The following KDM6B variants were observed in gnomAD, a reference collection of about 807,000 sequenced individuals.
KDM6B encodes the protein lysine demethylase 6B, also known as lysine-specific demethylase 6B.
A neutral mutation model predicts 150.4 loss-of-function variants in KDM6B; 22 were observed. The observed-to-expected ratio is 0.15, with a 90% confidence interval of 0.10 to 0.21. The LOEUF is 0.21. Ranked by LOEUF, KDM6B falls within the 10% of genes least tolerant of loss-of-function variation. The pLI is 1.00. For missense variants in KDM6B, 1,984 were observed against 2,234.3 expected, an observed-to-expected ratio of 0.89 and a Z score of 2.26; for synonymous variants, 1,148 against 921.1, an observed-to-expected ratio of 1.25 and a Z score of -4.46.
At position 7,852,322 on chromosome 17, in the gene KDM6B, T is replaced by C; in HGVS notation, c.4454T>C (p.Val1485Ala). ...TGWCNNIAWN[V>A]GPLTAYQYQL... The stretch of plus-strand genomic sequence containing the variant: ...TGGTGCAACAACATTGCCTGGAACG[T>C]GGGGCCCCTCACCGGTGAGAGGGTG... Residue 1485 changes from valine to alanine, a missense_variant, in exon 20 of 24, where the codon GTG becomes GCG. Around this residue, in one of 13 missense-constraint regions of KDM6B, gnomAD observed 41 missense variants for 158.8 expected, o/e 0.26. Transcript: ENST00000448097. 6.2e-7 allele frequency: 1 copy of C among 1,612,856 alleles called. No individual in the cohort carries two copies. The highest frequency in any genetic ancestry group is 1.1e-5 in the South Asian group (1 of 91,066).
chr17:7,852,227 C>G lies in KDM6B; in HGVS notation c.4359C>G (p.Arg1453=). ...ATGCATCCAATATTCCTGTGTACCG[C>G]TTCGTGCAGCGACCCGGAGACCTCG... ...DLYASNIPVY[R]FVQRPGDLVW... Residue 1453 remains arginine (R), a synonymous_variant, in exon 20 of 24, where the codon CGC becomes CGG. Coordinates refer to ENST00000448097, the MANE Select transcript of KDM6B (RefSeq NM_001348716.2). The G allele has an allele frequency of 6.2e-7, 1 of 1,614,168 alleles. No individual in the cohort carries two copies. Among genetic ancestry groups the G allele is most frequent in the Non-Finnish European group, 8.5e-7 (1 of 1,180,034 alleles).
chr17:7,849,295 G>A lies in KDM6B; in HGVS notation c.3007G>A (p.Ala1003Thr). 6.4e-7 allele frequency: 1 copy of A among 1,556,926 alleles called. No individual in the cohort carries two copies. The highest frequency in any genetic ancestry group is 1.9e-5 in the Admixed American group (1 of 51,816). ...GGGTCGTCGGCCCCGTGAGGGCAGG[G>A]CAAAGGCCAAGGCCAAGGTCCCCAA... ...SVGRRPREGR[A>T]KAKAKVPKEK... The change falls in exon 12 of 24, where the codon GCA becomes ACA. Residue 1003 changes from alanine (A) to threonine (T), a missense_variant. Transcript: ENST00000448097.
rs1212120231 is a variant in KDM6B, at chr17:7,849,670, C to T, written c.3382C>T (p.Leu1128=). The T allele has an allele frequency of 1.2e-5, 19 of 1,609,020 alleles. No individual in the cohort carries two copies. The highest frequency in any genetic ancestry group is 3.3e-5 in the South Asian group (3 of 91,058). Residue 1128 remains leucine, a synonymous_variant, in exon 12 of 24, where the codon CTG becomes TTG. Transcript: ENST00000448097. The part of the protein sequence containing the change: ...FIASEVEERR[L]RMADLTISHC... ...CGCCTCTGAGGTGGAAGAGCGGCGG[C>T]TGCGCATGGCAGACCTCACCATCAG...
rs1423065907 is a variant in KDM6B, at chr17:7,854,461, G to A, written c.*940G>A. On this transcript the variant is annotated 3_prime_UTR_variant, in exon 24 of 24. Transcript: ENST00000448097. ...AAGGTTTTAAAGAAAGAACTATGAG[G>A]AAAAGGAACCCCGTCCTTCCCAGCC... is the stretch of plus-strand genomic sequence containing the variant. 6.6e-6 allele frequency: 1 copy of A among 152,112 alleles called. No individual in the cohort carries two copies. The highest frequency in any genetic ancestry group is 1.5e-5 in the Non-Finnish European group (1 of 67,964). 9.4% of individuals were successfully genotyped at this position (152,112 alleles called of 1,614,324 possible). A position where few individuals can be genotyped will look rare whatever the true frequency, so the allele number is the denominator to read the frequency against.
chr17:7,846,123 T>G lies in KDM6B; in HGVS notation c.282T>G (p.His94Gln). Reference sequence around the variant, plus strand: ...TCCATGGGAAGCTGGAATCCCTGCATGGCTGTGTGCAGGCATTGCTCCGGG... The same window carrying G: ...TCCATGGGAAGCTGGAATCCCTGCAGGGCTGTGTGCAGGCATTGCTCCGGG... The part of the protein sequence containing the change: ...RPLHGKLESL[H>Q]GCVQALLREP... Residue 94 changes from histidine (H) to glutamine (Q), a missense_variant, in exon 7 of 24, where the codon CAT becomes CAG. Coordinates refer to ENST00000448097, the MANE Select transcript of KDM6B (RefSeq NM_001348716.2). The G allele has an allele frequency of 7.2e-7, 1 of 1,388,772 alleles. No individual in the cohort carries two copies. The highest frequency in any genetic ancestry group is 9.6e-7 in the Non-Finnish European group (1 of 1,037,988). 86.0% of individuals were successfully genotyped at this position (1,388,772 alleles called of 1,614,324 possible).
chr17:7,851,491 C>T lies in KDM6B; in HGVS notation c.3958C>T (p.Pro1320Ser). ...TGTPPSSAPD[P>S]KNHHIIKFGT... ...TCGCCCCAGCAGCAGCGCACCAGAC[C>T]CGAAGAACCATCACATCATCAAGTT... The change falls in exon 17 of 24, where the codon CCG (proline) becomes TCG (serine). Residue 1320 changes from proline (P) to serine (S), a missense_variant. Transcript: ENST00000448097. 6.2e-7 allele frequency: 1 copy of T among 1,614,196 alleles called. No homozygotes were observed. Among genetic ancestry groups the T allele is most frequent in the Non-Finnish European group, 8.5e-7 (1 of 1,180,038 alleles).
rs1483985578 is a variant in KDM6B, at chr17:7,845,658, C to G, written c.104C>G (p.Pro35Arg). Reference sequence around the variant, plus strand: ...GCCTGGAGCTCCTGCCCGCCTCATCCCCCTCCTCGTAGCGCATGGCTGCCT... The same window carrying G: ...GCCTGGAGCTCCTGCCCGCCTCATCGCCCTCCTCGTAGCGCATGGCTGCCT... Reference protein sequence around the residue: ...AGAWSSCPPHPPPRSAWLPGG... With the variant: ...AGAWSSCPPHRPPRSAWLPGG... Residue 35 changes from proline (P) to arginine (R), a missense_variant, in exon 5 of 24, where the codon CCC becomes CGC. Transcript: ENST00000448097. 1.2e-6 allele frequency: 2 copies of G among 1,614,130 alleles called. No homozygotes were observed. The highest frequency in any genetic ancestry group is 1.3e-5 in the African/African-American group (1 of 75,042).
chr17:7,837,881 G>A, intron 1 of KDM6B, among the ~76,000 whole-genome samples: 1 of 152,018 alleles, frequency 6.6e-6, no homozygotes, highest in Non-Finnish European at 1.5e-5. Context: ...TTGTTAAGGG[G>A]TAGTGGATAG....
At position 7,846,708 on chromosome 17, in the gene KDM6B, G is replaced by A; in HGVS notation, c.679G>A (p.Gly227Ser). 1 of 1,614,160 alleles carries A rather than the reference G, an allele frequency of 6.2e-7. No homozygotes were observed. Among genetic ancestry groups the A allele is most frequent in the Non-Finnish European group, 8.5e-7 (1 of 1,179,998 alleles). Residue 227 changes from glycine to serine, a missense_variant, in exon 9 of 24, where the codon GGC becomes AGC. This residue lies in a region of KDM6B where 337 missense variants were observed against 323.9 expected (regional missense o/e 1.04). Coordinates refer to ENST00000448097, the MANE Select transcript of KDM6B (RefSeq NM_001348716.2). ...AGGGGAGGAGGGCCTCAGCCCTGGA[G>A]GCAAGCGAAGGAGAGGCTGCAACTC... ...PSGEEGLSPG[G>S]KRRRGCNSEQ...
Position 7,842,244 on chromosome 17 carries a change from A to G in KDM6B, c.-269+2220A>G, listed in dbSNP as rs117324018. ...GGGGGCGGGGGGTAGGGGGTCGGTT[A>G]AAGTCCCGAGTCCAGGGCCCGGATG... On this transcript the variant is annotated intron_variant, in intron 2 of 23. Coordinates refer to ENST00000448097, the MANE Select transcript of KDM6B (RefSeq NM_001348716.2). Among the ~76,000 whole-genome samples the G allele has an allele frequency of 1.2e-4, 18 of 152,020 alleles. No individual in the cohort carries two copies. In the East Asian group the frequency reaches 3.3e-3, roughly 28 times the overall value.
rs1231853736 is a variant in KDM6B at position 7,849,594 on chromosome 17, G to A, written c.3306G>A (p.Glu1102=). 1 of 1,612,494 alleles carries A rather than the reference G, an allele frequency of 6.2e-7. No individual in the cohort carries two copies. The highest frequency in any genetic ancestry group is 1.3e-5 in the African/African-American group (1 of 75,068). The change falls in exon 12 of 24, where the codon GAG becomes GAA. Residue 1102 remains glutamate, a synonymous_variant. Coordinates refer to ENST00000448097, the MANE Select transcript of KDM6B (RefSeq NM_001348716.2). ...LRSLSEGPPK[E]LKIRLIKVES... is the part of the protein sequence containing the mutation. ...CACTTAGTGAGGGGCCCCCCAAGGA[G>A]CTGAAGATCCGGCTCATCAAGGTAG...
In KDM6B at chr17:7,848,282, C is replaced by G. The variant is rs942688290; in HGVS notation, c.1994C>G (p.Ala665Gly). 7 of 1,612,288 alleles carry G rather than the reference C, an allele frequency of 4.3e-6. No homozygotes were observed. The highest frequency in any genetic ancestry group is 4.2e-6 in the Non-Finnish European group (5 of 1,179,756). Reference protein sequence around the residue: ...PVPPGVGELPARGPRLFDFPP... With the variant: ...PVPPGVGELPGRGPRLFDFPP... Reference sequence around the variant, plus strand: ...CCGCCCGGGGTTGGGGAGCTGCCTGCCCGAGGCCCTCGACTCTTTGATTTT... The same window carrying G: ...CCGCCCGGGGTTGGGGAGCTGCCTGGCCGAGGCCCTCGACTCTTTGATTTT... Residue 665 changes from alanine to glycine, a missense_variant, in exon 12 of 24, where the codon GCC becomes GGC. Physicochemically the swap from Ala to Gly is moderately conservative, Grantham distance 60. Coordinates refer to ENST00000448097, the MANE Select transcript of KDM6B (RefSeq NM_001348716.2).
At position 7,849,825 on chromosome 17, in the gene KDM6B, G is replaced by A; in HGVS notation, c.3445G>A (p.Ala1149Thr). 1 of 1,613,088 alleles carries A rather than the reference G, an allele frequency of 6.2e-7. No individual in the cohort carries two copies. The highest frequency in any genetic ancestry group is 8.5e-7 in the Non-Finnish European group (1 of 1,180,018). ...CATTCCACTGTCCTCCCGCAGGAAT[G>A]CCAAGGTGAAAGGGAAGTTTCGAGA... ...AADVVRASRNAKVKGKFRESY... is the reference protein window; with the variant it reads ...AADVVRASRNTKVKGKFRESY... Residue 1149 changes from alanine to threonine, a missense_variant, in exon 13 of 24, where the codon GCC becomes ACC. Ala to Thr is a moderately conservative substitution (Grantham distance 58). Around this residue, in one of 13 missense-constraint regions of KDM6B, gnomAD observed 1,379 missense variants for 1,275.6 expected, o/e 1.08. Transcript: ENST00000448097.
Position 7,848,384 on chromosome 17 carries a change from T to C in KDM6B, c.2096T>C (p.Met699Thr). 2 of 1,612,976 alleles carry C rather than the reference T, an allele frequency of 1.2e-6. No homozygotes were observed. Among genetic ancestry groups the C allele is most frequent in the Non-Finnish European group, 1.7e-6 (2 of 1,179,996 alleles). Residue 699 changes from methionine (M) to threonine (T), a missense_variant, in exon 12 of 24, where the codon ATG becomes ACG. Met to Thr is a moderately conservative substitution (Grantham distance 81). Transcript: ENST00000448097. ...CTACCTGATGGGCTGGCCAACATCA[T>C]GAAGATGCTGGACGAATCCATTCGC... is the stretch of plus-strand genomic sequence containing the variant. ...KILPDGLANI[M>T]KMLDESIRKE...
intron 1 of KDM6B, among the ~76,000 whole-genome samples, chr17:7,836,849 A>G (rs2078340477): frequency 6.6e-6 from 1 of 152,148 alleles, no homozygotes; most frequent in South Asian, 2.1e-4. Flanking sequence ...TCTGTGTTAG[A>G]GGTGGCCTGG....
At position 7,851,286 on chromosome 17, in the gene KDM6B, C is replaced by G. The variant is rs372180571; in HGVS notation, c.3880-44C>G. On this transcript the variant is annotated intron_variant, in intron 15 of 23. Transcript: ENST00000448097. The stretch of plus-strand genomic sequence containing the variant: ...GACGGGGCTGCGGTGGGAGGGCTCT[C>G]GAAAGGTCTCTGACCCAGGCCTGCC... The G allele has an allele frequency of 2.8e-5, 45 of 1,613,452 alleles. No individual in the cohort carries two copies. In the African/African-American group the frequency reaches 5.3e-4, roughly 19 times the overall value.
intron 14 of KDM6B, among the ~76,000 whole-genome samples, chr17:7,850,789 T>A (rs1432624085): frequency 6.6e-6 from 1 of 152,254 alleles, no homozygotes; most frequent in Non-Finnish European, 1.5e-5. Context: ...GTCTAGGGGC[T>A]GAGTCCTTGA....
Position 7,847,122 on chromosome 17 carries a change from G to C in KDM6B, c.927G>C (p.Leu309=). ...PPERQEQRHS[L]PHPYPYPAPA... is the part of the protein sequence containing the mutation. ...TCCTATAGGAGCAGCGGCACTCGCT[G>C]CCTCACCCATATCCATACCCAGCTC... Residue 309 remains leucine (L), a synonymous_variant, in exon 11 of 24, where the codon CTG becomes CTC. Coordinates refer to ENST00000448097, the MANE Select transcript of KDM6B (RefSeq NM_001348716.2). The C allele has an allele frequency of 6.2e-7, 1 of 1,611,456 alleles. No individual in the cohort carries two copies. Among genetic ancestry groups the C allele is most frequent in the African/African-American group, 1.3e-5 (1 of 74,982 alleles).
intron 7 of KDM6B, 26 bp from the exon 8 acceptor site, chr17:7,846,374 C>CGGGG: frequency 1.6e-6 from 1 of 639,000 alleles, no homozygotes; most frequent in Non-Finnish European, 2.7e-6. Flanking sequence ...GACATCTGCC[C>CGGGG]CTGCCCCGTG....
Sources: gnomAD v4.1 joint callset for allele counts (sites outside exome capture counted in the v4.1 genomes callset) on GRCh38, gnomAD v4.1.1 for gene constraint, gnomAD v4.1.1 regional missense constraint, MANE v1.5 for transcripts, NCBI Gene and HGNC (gene_info 2026-07-23, HGNC 2026-07-21) for gene names.